Variants in DMD observed in about 807,000 individuals in gnomAD.
DMD encodes the protein dystrophin.
DMD carries 63 observed loss-of-function variants against 330.1 expected under a neutral mutation model. That is an observed-to-expected ratio of 0.19 (90% CI 0.16 to 0.24). The LOEUF (loss-of-function observed/expected upper bound fraction) is 0.24, where lower values mean the gene tolerates loss of function less well. Ranked by LOEUF, DMD falls within the 10% of genes least tolerant of loss-of-function variation. The probability of loss-of-function intolerance (pLI) is 1.00; values close to 1 mark genes in which losing one functional copy is unlikely to be tolerated. For synonymous variants in DMD, 1,223 were observed against 959.8 expected (o/e 1.27, Z -5.07); for missense variants, 3,344 against 2,684.1 (o/e 1.25, Z -5.43).
intron 44 of DMD, 23 bp downstream of exon 44, chrX:32,216,893 G>GA: frequency 8.3e-7 from 1 of 1,198,009 alleles, no homozygotes; most frequent in Non-Finnish European, 1.1e-6. Context: ...ATACAATTTC[G>GA]AAAAAACAAA....
intron 25 of DMD, among the ~76,000 whole-genome samples, chrX:32,462,412 T>C (rs1009338405): frequency 1.8e-5 from 2 of 112,084 alleles, no homozygotes; most frequent in Non-Finnish European, 3.8e-5. Flanking sequence ...GACTAATGTA[T>C]TGGTGAACTT....
intron 2 of DMD, among the ~76,000 whole-genome samples, chrX:32,912,854 T>C (rs1477696319): frequency 2.7e-5 from 3 of 111,506 alleles, no homozygotes; most frequent in African/African-American, 9.8e-5. Context: ...CTGTGGAAAA[T>C]TCGAAGTAAT....
At chrX:32,501,204 G>T (rs1223192934) in intron 19 of DMD, among the ~76,000 whole-genome samples, 1 of 111,554 alleles carries the variant, frequency 9.0e-6, no homozygotes, top group Admixed American at 9.6e-5. Context: ...GGCTAGCTTT[G>T]TGCTTTTATC....
At chrX:31,265,149 G>T (rs767214776) in intron 62 of DMD, among the ~76,000 whole-genome samples, 1 of 112,098 alleles carries the variant, frequency 8.9e-6, no homozygotes, top group Non-Finnish European at 1.9e-5. Context: ...GTTCTCTTGC[G>T]ATTTGCAGAG....
At chrX:33,129,496 G>A (rs1415726580) in intron 1 of DMD, among the ~76,000 whole-genome samples, 1 of 93,559 alleles carries the variant, frequency 1.1e-5, no homozygotes, top group Non-Finnish European at 2.1e-5. Context: ...TCATTTTTAC[G>A]TAAGCCACAA....
At chrX:33,071,443 G>T (rs1386835184) in intron 1 of DMD, among the ~76,000 whole-genome samples, 2 of 98,757 alleles carry the variant, frequency 2.0e-5, no homozygotes, top group East Asian at 3.0e-4. Context: ...AAAAAAAAAA[G>T]GATATACAAA....
intron 55 of DMD, among the ~76,000 whole-genome samples, chrX:31,572,712 T>G (rs1320052199): frequency 8.9e-6 from 1 of 112,036 alleles, no homozygotes; most frequent in Non-Finnish European, 1.9e-5. Context: ...GGCAGTTGGC[T>G]TGATAATGCA....
intron 13 of DMD, among the ~76,000 whole-genome samples, chrX:32,584,523 C>A (rs2054004791): frequency 9.0e-6 from 1 of 111,591 alleles, no homozygotes; most frequent in African/African-American, 3.3e-5. Context: ...TGGAAACAAC[C>A]CCAATTTTCT....
intron 44 of DMD, among the ~76,000 whole-genome samples, chrX:32,180,649 T>A (rs766770694): frequency 9.0e-6 from 1 of 111,228 alleles, no homozygotes; most frequent in Non-Finnish European, 1.9e-5. Flanking sequence ...GGGTAATTTA[T>A]AAAAGAAAGA....
chrX:32,011,766 C>T (rs966648), intron 44 of DMD, among the ~76,000 whole-genome samples: 3,450 of 111,513 alleles, frequency 0.031, 54 homozygotes, highest in Non-Finnish European at 0.048. Flanking sequence ...CTTCCTGCGA[C>T]TGCCAATCCC....
intron 51 of DMD, among the ~76,000 whole-genome samples, chrX:31,762,563 CAAAACAAAAACA>C (rs754668894): frequency 2.7e-5 from 3 of 111,262 alleles, no homozygotes; most frequent in Non-Finnish European, 5.7e-5. Flanking sequence ...GACTCCATCT[CAAAACAAAAACA>C]AAAACAAAAA....
At chrX:32,632,733 G>T (rs915023830) in intron 11 of DMD, among the ~76,000 whole-genome samples, 14 of 106,923 alleles carry the variant, frequency 1.3e-4, no homozygotes, top group Non-Finnish European at 2.3e-4. Flanking sequence ...CGCTGGGTGC[G>T]GGGGGGAGGG....
intron 43 of DMD, among the ~76,000 whole-genome samples, chrX:32,272,131 A>G (rs1487491760): frequency 6.2e-5 from 7 of 112,144 alleles, no homozygotes; most frequent in Non-Finnish European, 1.1e-4. Context: ...ACATGTTGCA[A>G]ACAGCTATGT....
intron 60 of DMD, among the ~76,000 whole-genome samples, chrX:31,366,159 G>A (rs1387447668): frequency 1.8e-5 from 2 of 111,208 alleles, no homozygotes; most frequent in Non-Finnish European, 3.8e-5. Flanking sequence ...ATGACCAAAA[G>A]GCATTTTAAA....
chrX:33,315,273 T>A (rs1298345635), intron 1 of DMD, among the ~76,000 whole-genome samples: 1 of 112,452 alleles, frequency 8.9e-6, no homozygotes, highest in Admixed American at 9.4e-5. Flanking sequence ...CGGGACTGGG[T>A]TGTTCAAACT....
intron 4 of DMD, among the ~76,000 whole-genome samples, chrX:32,834,939 A>G (rs928665967): frequency 1.8e-5 from 2 of 111,363 alleles, no homozygotes; most frequent in Non-Finnish European, 3.8e-5. Context: ...AAGCTTGGAG[A>G]AAGGAAGACA....
chrX:32,391,581 G>T (rs1341063632), intron 30 of DMD, among the ~76,000 whole-genome samples: 2 of 111,973 alleles, frequency 1.8e-5, no homozygotes, highest in South Asian at 7.4e-4. Context: ...GAGCAAATAC[G>T]CATATAAATG....
rs767458058 is a variant in DMD at position 32,448,564 on chromosome X, A to C, written c.3678T>G (p.Ala1226=). ...LLTESVNSVI[A]QAPPVAQEAL... ...CCTCTTGTGCTACAGGTGGAGCTTG[A>C]GCTATGACACTATTTACAGACTCAG... The change falls in exon 27 of 79, where the codon GCT becomes GCG. Residue 1226 remains alanine, a synonymous_variant. Transcript: ENST00000357033. 8.3e-7 allele frequency: 1 copy of C among 1,208,700 alleles called. No individual in the cohort carries two copies. Among genetic ancestry groups the C allele is most frequent in the Non-Finnish European group, 1.1e-6 (1 of 893,347 alleles).
chrX:31,475,970 T>C (rs757339744), intron 59 of DMD, among the ~76,000 whole-genome samples: 17 of 111,469 alleles, frequency 1.5e-4, no homozygotes, highest in Non-Finnish European at 3.0e-4. Flanking sequence ...ATTCCTCATA[T>C]GTTGCTGGCC....
Sources: gnomAD v4.1 joint callset for allele counts (sites outside exome capture counted in the v4.1 genomes callset) on GRCh38, gnomAD v4.1.1 for gene constraint, MANE v1.5 for transcripts, NCBI Gene and HGNC (gene_info 2026-07-23, HGNC 2026-07-21) for gene names.